Variants in PFKFB4 observed in about 807,000 individuals in gnomAD.
PFKFB4 encodes 6-phosphofructo-2-kinase/fructose-2,6-biphosphatase 4, also known as 6-phosphofructo-2-kinase/fructose-2,6-bisphosphatase 4.
A neutral mutation model predicts 62.8 loss-of-function variants in PFKFB4; 42 were observed. That is an observed-to-expected ratio of 0.67 (90% CI 0.52 to 0.86). The LOEUF (loss-of-function observed/expected upper bound fraction) is 0.86, where lower values mean the gene tolerates loss of function less well. Ranked by LOEUF, PFKFB4 falls within the 40% of genes least tolerant of loss-of-function variation. The probability of loss-of-function intolerance (pLI) is 0.00; values close to 1 mark genes in which losing one functional copy is unlikely to be tolerated. For synonymous variants in PFKFB4, 204 were observed against 240.7 expected (o/e 0.85, Z 1.41); for missense variants, 475 against 627.2 (o/e 0.76, Z 2.59).
intron 12 of PFKFB4, 115 bp from the exon 13 acceptor site, chr3:48,522,165 G>A (rs1353220290): frequency 2.2e-6 from 2 of 907,342 alleles, no homozygotes; most frequent in Non-Finnish European, 3.6e-6. Flanking sequence ...AGCCATCTCA[G>A]CCTCACTCTA....
chr3:48,522,129 G>T, intron 12 of PFKFB4, 79 bp from the exon 13 acceptor site: 6 of 1,307,716 alleles, frequency 4.6e-6, no homozygotes, highest in South Asian at 1.2e-5. Flanking sequence ...TCTCTTGGAG[G>T]GGGGTCTGGG....
chr3:48,555,098 T>C (rs1020175969), intron 1 of PFKFB4, among the ~76,000 whole-genome samples: 1 of 147,490 alleles, frequency 6.8e-6, no homozygotes, highest in Non-Finnish European at 1.5e-5. Context: ...CTTTCCCCTA[T>C]GTAGTAATAG....
intron 9 of PFKFB4, among the ~76,000 whole-genome samples, chr3:48,527,683 T>TC: frequency 6.9e-6 from 1 of 145,934 alleles, no homozygotes; most frequent in African/African-American, 2.6e-5. Context: ...GCGTCCATCA[T>TC]CTTTTTTTTT....
chr3:48,556,888 C>T, upstream of PFKFB4: 7 of 1,447,798 alleles, frequency 4.8e-6, no homozygotes, highest in Non-Finnish European at 5.5e-6. This position sits in a 1 kb window ranked among gnomAD's most constrained non-coding sequence, Gnocchi z 5.7. Flanking sequence ...GCCGCGACAG[C>T]CCATGTCTAT....
intron 9 of PFKFB4, among the ~76,000 whole-genome samples, chr3:48,534,356 A>G (rs1341940888): frequency 1.3e-5 from 2 of 152,244 alleles, no homozygotes; most frequent in African/African-American, 2.4e-5. Context: ...TTTTATATTT[A>G]GAAACCCAGA....
intron 3 of PFKFB4, 54 bp downstream of exon 3, chr3:48,549,810 T>C: frequency 9.1e-7 from 1 of 1,103,644 alleles, no homozygotes; most frequent in Non-Finnish European, 1.4e-6. Context: ...GTTAGCTTTC[T>C]CCACACTGGG....
At chr3:48,519,928 C>T (rs1027822555) in intron 13 of PFKFB4, 122 bp from the exon 14 acceptor site, 4 of 746,948 alleles carry the variant, frequency 5.4e-6, no homozygotes, top group Non-Finnish European at 9.4e-6. Flanking sequence ...GCCACAGCCG[C>T]AAGACTCTAG....
At position 48,534,841 on chromosome 3, in the gene PFKFB4, C is replaced by T. The variant is rs535768937; in HGVS notation, c.987+671G>A. Among the ~76,000 whole-genome samples, 24 of 151,440 alleles carry T rather than the reference C, an allele frequency of 1.6e-4. No homozygotes were observed. The South Asian group carries it at 4.4e-3, about 28-fold the overall frequency. On this transcript the variant is annotated intron_variant, in intron 9 of 13. Transcript: ENST00000232375. ...TTTTTTTTTTTGAGACAGAACATCA[C>T]TCTGTTGCCCAGGCTGGAGTGCAGT...
chr3:48,534,933 C>G (rs1053782182), intron 9 of PFKFB4, among the ~76,000 whole-genome samples: 2 of 151,878 alleles, frequency 1.3e-5, no homozygotes, highest in African/African-American at 4.8e-5. Context: ...CTCAGCCTCC[C>G]GAGTACGTGG....
At chr3:48,539,492 G>A (rs2042736271) in intron 5 of PFKFB4, 182 bp from the exon 6 acceptor site, 2 of 702,424 alleles carry the variant, frequency 2.8e-6, no homozygotes, top group South Asian at 1.7e-5. Flanking sequence ...TAAAGCAGGT[G>A]CTGCCCTCTC....
At chr3:48,553,369 G>A (rs2043214689) in intron 1 of PFKFB4, among the ~76,000 whole-genome samples, 1 of 152,092 alleles carries the variant, frequency 6.6e-6, no homozygotes, top group Non-Finnish European at 1.5e-5. Context: ...AGCTACTCGG[G>A]AAGCTGAGAC....
intron 9 of PFKFB4, among the ~76,000 whole-genome samples, chr3:48,534,822 T>C (rs1297187645): frequency 6.6e-6 from 1 of 152,066 alleles, no homozygotes. Flanking sequence ...CATTTTTTTT[T>C]TTTTGAGACA....
chr3:48,534,499 G>A (rs896389178), intron 9 of PFKFB4, among the ~76,000 whole-genome samples: 17 of 151,874 alleles, frequency 1.1e-4, no homozygotes, highest in African/African-American at 1.9e-4. Flanking sequence ...ATGAGACTCC[G>A]TCTCTACAAA....
chr3:48,559,000 T>G (rs1030833974), upstream of PFKFB4, among the ~76,000 whole-genome samples: 9 of 152,212 alleles, frequency 5.9e-5, no homozygotes, highest in African/African-American at 2.2e-4. Flanking sequence ...TCCTCTGATA[T>G]CTACAGACAC....
upstream of PFKFB4, chr3:48,559,746 G>A (rs1396757733): frequency 5.0e-6 from 2 of 397,358 alleles, no homozygotes; most frequent in African/African-American, 4.1e-5. Context: ...GCCTGACCCT[G>A]GTTGGCTCCC....
At chr3:48,522,090 A>T (rs2042114841) in intron 12 of PFKFB4, 40 bp from the exon 13 acceptor site, 1 of 1,585,330 alleles carries the variant, frequency 6.3e-7, no homozygotes, top group Admixed American at 1.7e-5. Flanking sequence ...CACTCCTGAA[A>T]GGCAGCTGAG....
chr3:48,518,957 T>G lies in PFKFB4; in HGVS notation c.*790A>C, dbSNP rs1034853142. 6.6e-6 allele frequency: 1 copy of G among 152,198 alleles called. No individual in the cohort carries two copies. The highest frequency in any genetic ancestry group is 1.5e-5 in the Non-Finnish European group (1 of 67,990). 9.4% of individuals were successfully genotyped at this position (152,198 alleles called of 1,614,324 possible). ...GGTAACTTCCTGCCCTGTCTTGAAGTGGTTTCACTGTGAGAGCAGGCCTGA... is the reference window on the plus strand; with the variant it reads ...GGTAACTTCCTGCCCTGTCTTGAAGGGGTTTCACTGTGAGAGCAGGCCTGA... On this transcript the variant is annotated 3_prime_UTR_variant, in exon 14 of 14. Transcript: ENST00000232375.
At chr3:48,539,207 GT>G in intron 6 of PFKFB4, 46 bp downstream of exon 6, 1 of 1,443,232 alleles carries the variant, frequency 6.9e-7, no homozygotes, top group South Asian at 1.1e-5. Context: ...GAAAAGGGAT[GT>G]CCCTGTCACA....
rs2042233009 is a variant in PFKFB4 at position 48,525,647 on chromosome 3, T to C, written c.1010A>G (p.Tyr337Cys). The change falls in exon 10 of 14, where the codon TAC becomes TGC. Residue 337 changes from tyrosine to cysteine, a missense_variant. Tyr to Cys is a radical substitution (Grantham distance 194). Coordinates refer to ENST00000232375, the MANE Select transcript of PFKFB4 (RefSeq NM_004567.4). ...TGGATAATTATCCTGAATTTCCTCG[T>C]AGGTCATTTCCTCACAGACGCCCTA... The part of the protein sequence containing the change: ...IDAGVCEEMT[Y>C]EEIQDNYPLE... 6.2e-7 allele frequency: 1 copy of C among 1,605,996 alleles called. No homozygotes were observed. Among genetic ancestry groups the C allele is most frequent in the Non-Finnish European group, 8.5e-7 (1 of 1,175,208 alleles).
Sources: allele counts gnomAD v4.1 joint callset (sites outside exome capture counted in the v4.1 genomes callset), GRCh38; gene constraint gnomAD v4.1.1; non-coding constraint Gnocchi (gnomAD v3.1); transcripts MANE v1.5; gene names NCBI Gene and HGNC (gene_info 2026-07-23, HGNC 2026-07-21).